Variants in CDC40 observed in about 807,000 individuals in gnomAD.
CDC40 encodes cell division cycle 40.
Under a neutral mutation model 80.6 loss-of-function variants are expected in CDC40, and 27 were observed. The observed-to-expected ratio is 0.33, with a 90% CI of 0.25 to 0.46. CDC40 has a LOEUF of 0.46. CDC40 is among the 20% of genes least tolerant of loss of function. The probability of loss-of-function intolerance (pLI) is 1.00; values close to 1 mark genes in which losing one functional copy is unlikely to be tolerated. For missense variants in CDC40, 486 were observed against 694.1 expected (o/e 0.70, Z 3.37); for synonymous variants, 221 against 232.6 (o/e 0.95, Z 0.45).
chr6:110,200,681 CTGTT>C (rs1422177990), intron 2 of CDC40, among the ~76,000 whole-genome samples: 1 of 152,142 alleles, frequency 6.6e-6, no homozygotes, highest in Non-Finnish European at 1.5e-5. Flanking sequence ...TGCTTGACTG[CTGTT>C]TGTTCTAGCC....
intron 1 of CDC40, among the ~76,000 whole-genome samples, chr6:110,188,686 A>G (rs1417403375): frequency 1.3e-5 from 2 of 152,244 alleles, no homozygotes; most frequent in East Asian, 1.9e-4. Flanking sequence ...AAGCTTTCTA[A>G]TCTGAAATTT....
At chr6:110,200,468 T>G (rs912829527) in intron 2 of CDC40, among the ~76,000 whole-genome samples, 3 of 152,210 alleles carry the variant, frequency 2.0e-5, no homozygotes, top group African/African-American at 7.2e-5. Context: ...AATATCCTAT[T>G]ATTTTCGCCC....
intron 3 of CDC40, among the ~76,000 whole-genome samples, chr6:110,205,957 G>C (rs1324106730): frequency 6.6e-6 from 1 of 152,012 alleles, no homozygotes; most frequent in Non-Finnish European, 1.5e-5. Context: ...TCTCTCCTCT[G>C]GTTAAGAACA....
chr6:110,203,859 T>G (rs1182441163), intron 3 of CDC40, among the ~76,000 whole-genome samples: 1 of 152,218 alleles, frequency 6.6e-6, no homozygotes, highest in Non-Finnish European at 1.5e-5. Context: ...TTGGGGCTTC[T>G]CAATGAAGTT....
At chr6:110,198,953 A>G (rs1269706748) in intron 2 of CDC40, 1 of 152,164 alleles carries the variant, frequency 6.6e-6, no homozygotes, top group Non-Finnish European at 1.5e-5. Context: ...AACAGCTGAG[A>G]AACCTATCTT....
intron 3 of CDC40, among the ~76,000 whole-genome samples, chr6:110,204,933 C>CT (rs1460958076): frequency 6.6e-6 from 1 of 152,140 alleles, no homozygotes; most frequent in Non-Finnish European, 1.5e-5. Context: ...TCCCAAAGTG[C>CT]TGGGATTACA....
chr6:110,213,274 C>T, intron 8 of CDC40, 114 bp downstream of exon 8: 1 of 680,124 alleles, frequency 1.5e-6, no homozygotes, highest in South Asian at 1.8e-5. Flanking sequence ...TAATTATTTT[C>T]TCTTAGATCC....
In CDC40 at chr6:110,201,699, A is replaced by G. The variant is rs769236423; in HGVS notation, c.406+12A>G. On this transcript the variant is annotated intron_variant, in intron 3 of 14. Transcript: ENST00000307731. ...TTTTGCAACATATGGTAAGGTGATA[A>G]GACTTAAGCAGTTTCAATTTTGGCT... The G allele has an allele frequency of 3.7e-6, 6 of 1,609,788 alleles. No homozygotes were observed. In the Admixed American group the frequency reaches 1.0e-4, roughly 27 times the overall value.
At position 110,225,726 on chromosome 6, in the gene CDC40, A is replaced by G. The variant is rs146951902; in HGVS notation, c.1341-441A>G. 2.4e-3 allele frequency among the ~76,000 whole-genome samples: 366 copies of G among 152,140 alleles called. 3 individuals are homozygous for G. Among genetic ancestry groups the G allele is most frequent in the African/African-American group, 8.5e-3 (352 of 41,518 alleles). Reference sequence around the variant, plus strand: ...TACCTCAGACATCTTGCTTCACCCTACCATGGTACATTTTTAATTTAATTT... The same window carrying G: ...TACCTCAGACATCTTGCTTCACCCTGCCATGGTACATTTTTAATTTAATTT... On this transcript the variant is annotated intron_variant, in intron 12 of 14. Coordinates refer to ENST00000307731, the MANE Select transcript of CDC40 (RefSeq NM_015891.3).
intron 1 of CDC40, among the ~76,000 whole-genome samples, chr6:110,186,756 G>A (rs1257610616): frequency 6.6e-6 from 1 of 151,966 alleles, no homozygotes; most frequent in African/African-American, 2.4e-5. Context: ...TTTTATTATA[G>A]GATACACATG....
chr6:110,196,486 A>G (rs571580871), intron 2 of CDC40, among the ~76,000 whole-genome samples: 1 of 152,286 alleles, frequency 6.6e-6, no homozygotes, highest in East Asian at 1.9e-4. Flanking sequence ...CTTAGACAAA[A>G]ATGTATTAAT....
chr6:110,185,388 G>A (rs1229843689), intron 1 of CDC40, among the ~76,000 whole-genome samples: 1 of 149,936 alleles, frequency 6.7e-6, no homozygotes, highest in African/African-American at 2.5e-5. Context: ...GACTACAGGC[G>A]CCCGCCACTA....
At chr6:110,207,389 A>G (rs369802014) in intron 3 of CDC40, 117 bp from the exon 4 acceptor site, 2 of 579,358 alleles carry the variant, frequency 3.5e-6, no homozygotes, top group African/African-American at 3.8e-5. Flanking sequence ...GTCCTGAGTT[A>G]GAGATCATTT....
intron 1 of CDC40, among the ~76,000 whole-genome samples, chr6:110,190,908 G>A (rs187960070): frequency 2.6e-5 from 4 of 152,216 alleles, no homozygotes; most frequent in East Asian, 1.9e-4. Context: ...ACCCTTCCTC[G>A]GGCGCTGACA....
chr6:110,216,678 G>C (rs909885390), intron 9 of CDC40, among the ~76,000 whole-genome samples: 2 of 152,202 alleles, frequency 1.3e-5, no homozygotes, highest in Non-Finnish European at 2.9e-5. Context: ...TAGAGCTGCT[G>C]CATGTGGTTA....
rs752645684 is a variant in CDC40 at position 110,209,051 on chromosome 6, G to T, written c.491-33G>T. 5 of 1,167,886 alleles carry T rather than the reference G, an allele frequency of 4.3e-6. No homozygotes were observed. The South Asian group carries it at 4.6e-5, about 11-fold the overall frequency. The allele number at this position is 1,167,886 out of a possible 1,614,324, so 72.3% of individuals were successfully genotyped here. On this transcript the variant is annotated intron_variant, in intron 4 of 14. Transcript: ENST00000307731. The stretch of plus-strand genomic sequence containing the variant: ...AAATGTACATCTTTGTAATCTCTCA[G>T]TTTTTTTTTTAATTTTTTTTTTGTT...
intron 13 of CDC40, among the ~76,000 whole-genome samples, chr6:110,227,450 GAT>G (rs2114674919): frequency 6.6e-6 from 1 of 152,274 alleles, no homozygotes; most frequent in East Asian, 1.9e-4. Context: ...ATCATTGCTA[GAT>G]TATATACTTC....
At chr6:110,229,409 A>G (rs1016369592) in intron 14 of CDC40, among the ~76,000 whole-genome samples, 7 of 152,194 alleles carry the variant, frequency 4.6e-5, no homozygotes, top group African/African-American at 1.7e-4. Flanking sequence ...CAGCTTTTGA[A>G]TATTTCTAGG....
Position 110,217,819 on chromosome 6 carries a change from T to C in CDC40, c.1090+16T>C, listed in dbSNP as rs370895509. 6.7e-4 allele frequency: 809 copies of C among 1,202,620 alleles called. 8 individuals are homozygous for C. Among genetic ancestry groups the C allele is most frequent in the Middle Eastern group, 1.9e-4 (1 of 5,256 alleles). The allele number at this position is 1,202,620 out of a possible 1,614,324, so 74.5% of individuals were successfully genotyped here. A position where few individuals can be genotyped will look rare whatever the true frequency, so the allele number is the denominator to read the frequency against. Reference sequence around the variant, plus strand: ...ACTGAGACAGGTAAGAGTTCACTTATGCTAATACACATTCATCTTACAAGT... The same window carrying C: ...ACTGAGACAGGTAAGAGTTCACTTACGCTAATACACATTCATCTTACAAGT... On this transcript the variant is annotated intron_variant, in intron 10 of 14. Transcript: ENST00000307731.
Sources: allele counts gnomAD v4.1 joint callset (sites outside exome capture counted in the v4.1 genomes callset), GRCh38; gene constraint gnomAD v4.1.1; transcripts MANE v1.5; gene names NCBI Gene and HGNC (gene_info 2026-07-23, HGNC 2026-07-21).